TRIM14: variants seen among roughly 807,000 people sequenced by gnomAD.
TRIM14 encodes the protein tripartite motif containing 14.
Under a neutral mutation model 44.5 loss-of-function variants are expected in TRIM14, and 28 were observed. The ratio of observed to expected loss-of-function variants is 0.63; its 90% CI spans 0.47 to 0.86. The LOEUF is 0.86. Among genes scored for constraint, TRIM14 ranks in the 40% least tolerant of loss-of-function variants. TRIM14 has a pLI of 0.00. For missense variants in TRIM14, 607 were observed against 611.1 expected, an observed-to-expected ratio of 0.99 and a Z score of 0.07; for synonymous variants, 299 against 269.2, an observed-to-expected ratio of 1.11 and a Z score of -1.08.
At chr9:98,080,899 T>C (rs778394555), downstream of TRIM14, 8 of 1,614,078 alleles carry the variant, frequency 5.0e-6, no homozygotes. Flanking sequence ...CCGCAGTGGC[T>C]CTGGGGGCCA....
At chr9:98,056,859 C>T in the TRIM14 span, 3 of 1,612,246 alleles carry the variant, frequency 1.9e-6, no homozygotes, top group Non-Finnish European at 2.5e-6. Flanking sequence ...GCGGGCAACA[C>T]CCGTGCTTCA....
rs977231855 is a variant in TRIM14 at position 98,087,990 on chromosome 9, G to A, written c.809C>T (p.Thr270Met). 3 of 1,549,972 alleles carry A rather than the reference G, an allele frequency of 1.9e-6. No homozygotes were observed. The highest frequency in any genetic ancestry group is 2.6e-6 in the Non-Finnish European group (3 of 1,160,230). ...CGCGTGCATCGTGTCAGGATCCAGC[G>A]TGGGCGTGCGCGCGTCTGCAGGGGG... ...SLLLKYARTP[T>M]LDPDTMHARL... Residue 270 changes from threonine (T) to methionine (M), a missense_variant, in exon 6 of 6, where the codon ACG (threonine) becomes ATG (methionine). Transcript: ENST00000341469.
Position 98,087,266 on chromosome 9 carries a change from G to A in TRIM14, c.*204C>T. Reference sequence around the variant, plus strand: ...GCGGAGGTCTGATGAGAGGGCAGCAGCAGACTTGTTTAGGGCCTGTTTGAA... The same window carrying A: ...GCGGAGGTCTGATGAGAGGGCAGCAACAGACTTGTTTAGGGCCTGTTTGAA... On this transcript the variant is annotated 3_prime_UTR_variant, in exon 6 of 6. Coordinates refer to ENST00000341469, the MANE Select transcript of TRIM14 (RefSeq NM_014788.4). 1 of 843,870 alleles carries A rather than the reference G, an allele frequency of 1.2e-6. No homozygotes were observed. Among genetic ancestry groups the A allele is most frequent in the South Asian group, 1.3e-5 (1 of 74,944 alleles). 52.3% of individuals were successfully genotyped at this position (843,870 alleles called of 1,614,324 possible).
intron 3 of TRIM14, among the ~76,000 whole-genome samples, chr9:98,099,054 C>A (rs1260452913): frequency 6.6e-6 from 1 of 152,100 alleles, no homozygotes; most frequent in Admixed American, 6.6e-5. Flanking sequence ...TCAACAAAGC[C>A]CAGTGGCCAA....
chr9:98,107,415 C>A (rs1826657330), intron 2 of TRIM14, among the ~76,000 whole-genome samples: 1 of 152,142 alleles, frequency 6.6e-6, no homozygotes, highest in Admixed American at 6.5e-5. Context: ...TTTAAAAAAC[C>A]TCTATGGTAC....
chr9:98,118,308 C>T (rs538657263), intron 1 of TRIM14, among the ~76,000 whole-genome samples: 1 of 152,284 alleles, frequency 6.6e-6, no homozygotes, highest in South Asian at 2.1e-4. Context: ...GTGACAATGG[C>T]CCTGTTGGGG....
chr9:98,087,738 C>T lies in TRIM14; in HGVS notation c.1061G>A (p.Arg354His), dbSNP rs749355088. ...CCAGGACTGGCGGTTGCAGCCCAGG[C>T]GGGCGGCGGCCGAGGCCCCGCGGCG... ...LRRRGASAAA[R>H]LGCNRQSWCL... The change falls in exon 6 of 6, where the codon CGC becomes CAC. Residue 354 changes from arginine (R) to histidine (H), a missense_variant. Arg to His is a conservative substitution (Grantham distance 29). Coordinates refer to ENST00000341469, the MANE Select transcript of TRIM14 (RefSeq NM_014788.4). 2.5e-6 allele frequency: 4 copies of T among 1,568,650 alleles called. No individual in the cohort carries two copies. The highest frequency in any genetic ancestry group is 1.2e-5 in the South Asian group (1 of 86,782).
intron 1 of TRIM14, among the ~76,000 whole-genome samples, chr9:98,117,024 AGCACACCTGTTAT>A (rs914964118): frequency 2.0e-5 from 3 of 152,196 alleles, no homozygotes; most frequent in African/African-American, 7.2e-5. Context: ...AGAAAATCTT[AGCACACCTGTTAT>A]GCACACCTGT....
intron 6 of TRIM14, among the ~76,000 whole-genome samples, chr9:98,074,382 A>ACGGT (rs1239877823): frequency 6.6e-6 from 1 of 152,172 alleles, no homozygotes; most frequent in Non-Finnish European, 1.5e-5. Flanking sequence ...ACCCGATAGC[A>ACGGT]CGGTCGGCAG....
At chr9:98,081,413 A>T, downstream of TRIM14, 1 of 264,576 alleles carries the variant, frequency 3.8e-6, no homozygotes, top group Non-Finnish European at 7.2e-6. Context: ...GCCCTGGAAT[A>T]AGTCAAGTCT....
the TRIM14 span, among the ~76,000 whole-genome samples, chr9:98,037,436 G>A: frequency 6.6e-6 from 1 of 152,136 alleles, no homozygotes; most frequent in South Asian, 2.1e-4. Flanking sequence ...GGAGCCCAGA[G>A]ATGGTTACTG....
At chr9:98,063,352 A>G in the TRIM14 span, among the ~76,000 whole-genome samples, 1 of 151,742 alleles carries the variant, frequency 6.6e-6, no homozygotes, top group Admixed American at 6.6e-5. Flanking sequence ...AGTTATTCTC[A>G]TGGCTCAGCC....
chr9:98,076,908 AT>A, intron 6 of TRIM14: 1 of 1,605,772 alleles, frequency 6.2e-7, no homozygotes, highest in Non-Finnish European at 8.5e-7. Flanking sequence ...TCCCTCTTTG[AT>A]TTTTGTAGAT....
At chr9:98,062,418 C>G in the TRIM14 span, among the ~76,000 whole-genome samples, 1 of 152,014 alleles carries the variant, frequency 6.6e-6, no homozygotes, top group Non-Finnish European at 1.5e-5. Context: ...GCTCTGTGAC[C>G]TGCCTCCTTA....
chr9:98,082,220 C>T (rs1214787795), downstream of TRIM14: 1 of 152,256 alleles, frequency 6.6e-6, no homozygotes, highest in African/African-American at 2.4e-5. Context: ...ATCTGCATAA[C>T]AGCCACATTC....
the TRIM14 span, among the ~76,000 whole-genome samples, chr9:98,062,855 C>A: frequency 7.5e-6 from 1 of 132,924 alleles, no homozygotes; most frequent in African/African-American, 2.8e-5. Context: ...TGTGTTCTTT[C>A]TTACAGCTGC....
chr9:98,098,643 G>T (rs1826273428), intron 3 of TRIM14, among the ~76,000 whole-genome samples: 1 of 151,934 alleles, frequency 6.6e-6, no homozygotes, highest in African/African-American at 2.4e-5. Flanking sequence ...GGTGGAGCTT[G>T]CTGTAAGCCG....
chr9:98,091,817 A>T, intron 5 of TRIM14, 92 bp downstream of exon 5: 14 of 794,348 alleles, frequency 1.8e-5, no homozygotes, highest in Non-Finnish European at 2.6e-5. Context: ...TAATGAGAAA[A>T]AAAGAGGGAC....
chr9:98,095,049 T>C lies in TRIM14; in HGVS notation c.538-20A>G, dbSNP rs1587952610. The C allele has an allele frequency of 6.2e-7, 1 of 1,605,756 alleles. No individual in the cohort carries two copies. Among genetic ancestry groups the C allele is most frequent in the Non-Finnish European group, 8.5e-7 (1 of 1,176,948 alleles). Reference sequence around the variant, plus strand: ...GTATGCCTGTGTGGGCACACGGGGGTGAGGGTGGCTCTGGGAGATGCAGGC... The same window carrying C: ...GTATGCCTGTGTGGGCACACGGGGGCGAGGGTGGCTCTGGGAGATGCAGGC... On this transcript the variant is annotated intron_variant, in intron 3 of 5. Coordinates refer to ENST00000341469, the MANE Select transcript of TRIM14 (RefSeq NM_014788.4). The surrounding 1 kb of genome is among the most constrained non-coding windows in gnomAD (Gnocchi z 4.1).
Sources: gnomAD v4.1 joint callset for allele counts (sites outside exome capture counted in the v4.1 genomes callset) on GRCh38, gnomAD v4.1.1 for gene constraint, Gnocchi (gnomAD v3.1) non-coding constraint, MANE v1.5 for transcripts, NCBI Gene and HGNC (gene_info 2026-07-23, HGNC 2026-07-21) for gene names.